KIDINS220: variants seen among roughly 807,000 people sequenced by gnomAD.
The protein encoded by KIDINS220 is kinase D interacting substrate 220.
KIDINS220 carries 63 observed loss-of-function variants against 157.6 expected under a neutral mutation model. The ratio of observed to expected loss-of-function variants is 0.40; its 90% confidence interval spans 0.33 to 0.49. KIDINS220 has a LOEUF of 0.49. Among genes scored for constraint, KIDINS220 ranks in the 20% least tolerant of loss-of-function variants. The pLI, the probability that KIDINS220 is intolerant of heterozygous loss-of-function variation, is 0.66. For missense variants in KIDINS220, 1,772 were observed against 2,171.2 expected (o/e 0.82, Z 3.65); for synonymous variants, 732 against 783.6 (o/e 0.93, Z 1.10).
intron 16 of KIDINS220, 44 bp from the exon 17 acceptor site, chr2:8,786,074 C>A (rs1220155103): frequency 6.4e-7 from 1 of 1,561,412 alleles, no homozygotes. Context: ...TATCAAGGAT[C>A]TAGAAAATCC....
chr2:8,786,055 T>A, intron 16 of KIDINS220, 25 bp from the exon 17 acceptor site: 1 of 1,581,088 alleles, frequency 6.3e-7, no homozygotes, highest in Non-Finnish European at 8.6e-7. Context: ...ATGGTTTTAA[T>A]AATTAACATA....
At position 8,817,662 on chromosome 2, in the gene KIDINS220, C is replaced by T. The variant is rs1421163272; in HGVS notation, c.262G>A (p.Glu88Lys). The T allele has an allele frequency of 6.2e-7, 1 of 1,608,188 alleles. No individual in the cohort carries two copies. Reference sequence around the variant, plus strand: ...TTAACCCCACATTTCAGTAGTTCCTCTACGATGTGCACATGCCCTTCTTTC... The same window carrying T: ...TTAACCCCACATTTCAGTAGTTCCTTTACGATGTGCACATGCCCTTCTTTC... Reference protein sequence around the residue: ...ASKEGHVHIVEELLKCGVNLE... With the variant: ...ASKEGHVHIVKELLKCGVNLE... Residue 88 changes from glutamate to lysine, a missense_variant, in exon 4 of 30, where the codon GAG becomes AAG. By Grantham distance (56) the Glu-to-Lys change is moderately conservative. Coordinates refer to ENST00000256707, the MANE Select transcript of KIDINS220 (RefSeq NM_020738.4).
intron 5 of KIDINS220, among the ~76,000 whole-genome samples, chr2:8,813,024 C>T (rs1676539763): frequency 6.6e-6 from 1 of 152,148 alleles, no homozygotes; most frequent in Non-Finnish European, 1.5e-5. Context: ...AACATTTAAG[C>T]TCTAAGAGCT....
chr2:8,730,033 A>G lies in KIDINS220; in HGVS notation c.*687T>C, dbSNP rs1308590811. ...GGATTTGGAGAGAAGAGTTTCCGAC[A>G]TATAAACCCACGGAGGTCACCAGCC... On this transcript the variant is annotated 3_prime_UTR_variant, in exon 30 of 30. Transcript: ENST00000256707. The G allele has an allele frequency of 1.0e-6, 1 of 985,386 alleles. No homozygotes were observed. Among genetic ancestry groups the G allele is most frequent in the Non-Finnish European group, 1.2e-6 (1 of 830,016 alleles). 61.0% of individuals were successfully genotyped at this position (985,386 alleles called of 1,614,324 possible).
At chr2:8,800,875 A>T (rs1300913311) in intron 8 of KIDINS220, among the ~76,000 whole-genome samples, 1 of 152,232 alleles carries the variant, frequency 6.6e-6, no homozygotes, top group Non-Finnish European at 1.5e-5. Context: ...TAGTAAAAAT[A>T]TCTTGGAATA....
intron 26 of KIDINS220, among the ~76,000 whole-genome samples, chr2:8,745,332 T>C (rs1666392091): frequency 6.6e-6 from 1 of 152,186 alleles, no homozygotes; most frequent in African/African-American, 2.4e-5. Flanking sequence ...TTAAAGATCC[T>C]GTAAGCACTG....
intron 12 of KIDINS220, among the ~76,000 whole-genome samples, chr2:8,793,319 C>T (rs778171764): frequency 3.3e-5 from 5 of 152,044 alleles, no homozygotes; most frequent in African/African-American, 1.2e-4. Flanking sequence ...CATGGCAAGA[C>T]CTCGTCTCTA....
At chr2:8,723,280 G>A (rs1663070891), downstream of KIDINS220, 1 of 152,300 alleles carries the variant, frequency 6.6e-6, no homozygotes. Flanking sequence ...GCCTGGGCGT[G>A]TGCATCCTCC....
intron 2 of KIDINS220, among the ~76,000 whole-genome samples, chr2:8,821,694 T>C (rs759209589): frequency 5.9e-5 from 9 of 152,204 alleles, no homozygotes; most frequent in African/African-American, 2.2e-4. Flanking sequence ...AATTCTTAAC[T>C]GATGCACCTT....
intron 8 of KIDINS220, among the ~76,000 whole-genome samples, chr2:8,802,605 G>GGAGC (rs1674876365): frequency 6.6e-6 from 1 of 152,160 alleles, no homozygotes; most frequent in Admixed American, 6.5e-5. Flanking sequence ...ACATTCAAGT[G>GGAGC]GAGCGTTCAG....
chr2:8,823,012 G>A (rs1026134204), intron 2 of KIDINS220, among the ~76,000 whole-genome samples: 1 of 152,130 alleles, frequency 6.6e-6, no homozygotes, highest in Admixed American at 6.5e-5. Context: ...GTCTCAGTCT[G>A]TTGCCCAGGC....
intron 28 of KIDINS220, 137 bp downstream of exon 28, chr2:8,734,518 T>C: frequency 1.7e-6 from 1 of 595,800 alleles, no homozygotes. Flanking sequence ...GAAGCAGTTT[T>C]TAAATTTAAA....
At chr2:8,727,408 G>A (rs553355673), downstream of KIDINS220, 1 of 239,028 alleles carries the variant, frequency 4.2e-6, no homozygotes, top group Admixed American at 6.1e-5. Context: ...GCCTTCTAGT[G>A]CTTTTCCTGG....
rs1239788084 is a variant in KIDINS220, at chr2:8,831,239, A to G, written c.-36-4110T>C. On this transcript the variant is annotated intron_variant, in intron 1 of 29. Coordinates refer to ENST00000256707, the MANE Select transcript of KIDINS220 (RefSeq NM_020738.4). The stretch of plus-strand genomic sequence containing the variant: ...AACTCAGTAAGTTCAATTCTTGATT[A>G]TGATGAGGGCATGCAGATTCTTCAC... Among the ~76,000 whole-genome samples the G allele has an allele frequency of 3.3e-5, 5 of 152,214 alleles. No homozygotes were observed. The East Asian group carries it at 9.6e-4, about 29-fold the overall frequency.
At chr2:8,762,670 C>T (rs1434651765) in intron 22 of KIDINS220, among the ~76,000 whole-genome samples, 2 of 151,694 alleles carry the variant, frequency 1.3e-5, no homozygotes, top group Non-Finnish European at 2.9e-5. Flanking sequence ...ACCCAGGAGG[C>T]GGAGCTTGCA....
chr2:8,763,111 T>G (rs1281602316), intron 22 of KIDINS220, among the ~76,000 whole-genome samples: 2 of 152,202 alleles, frequency 1.3e-5, no homozygotes, highest in Admixed American at 6.5e-5. Context: ...AGTTAAAATC[T>G]ATCTGGAAAT....
chr2:8,746,939 C>A, intron 26 of KIDINS220: 1 of 494,558 alleles, frequency 2.0e-6, no homozygotes, highest in Non-Finnish European at 3.6e-6. Flanking sequence ...AGGGGAAAAG[C>A]AGGAGGAAAT....
chr2:8,730,387 C>A lies in KIDINS220; in HGVS notation c.*333G>T, dbSNP rs1037809091. ...GGTCTCTAGCTTTTTTTCTTTTTGG[C>A]ACATTAAGCCCTTTAAAATACTTCT... is the stretch of plus-strand genomic sequence containing the variant. On this transcript the variant is annotated 3_prime_UTR_variant, in exon 30 of 30. Transcript: ENST00000256707. The A allele has an allele frequency of 9.4e-7, 1 of 1,060,392 alleles. No homozygotes were observed. Among genetic ancestry groups the A allele is most frequent in the African/African-American group, 1.7e-5 (1 of 59,810 alleles). 65.7% of individuals were successfully genotyped at this position (1,060,392 alleles called of 1,614,324 possible).
At chr2:8,786,389 T>C (rs1202184099) in intron 15 of KIDINS220, 32 bp from the exon 16 acceptor site, 2 of 1,560,690 alleles carry the variant, frequency 1.3e-6, no homozygotes, top group Non-Finnish European at 1.8e-6. Flanking sequence ...AACATTACTT[T>C]ATTATCTAAA....
Sources: allele counts gnomAD v4.1 joint callset (sites outside exome capture counted in the v4.1 genomes callset), GRCh38; gene constraint gnomAD v4.1.1; transcripts MANE v1.5; gene names NCBI Gene and HGNC (gene_info 2026-07-23, HGNC 2026-07-21).